The following NLGN1 variants were observed in gnomAD, a reference collection of about 807,000 sequenced individuals.
NLGN1 encodes neuroligin 1, also known as neuroligin-1.
In NLGN1, 12 loss-of-function variants were observed where a neutral mutation model predicts 65.5. The observed-to-expected ratio is 0.18, with a 90% CI of 0.12 to 0.30. NLGN1 has a LOEUF of 0.30. NLGN1 is among the 10% of genes least tolerant of loss of function. NLGN1 has a pLI of 1.00. For missense variants in NLGN1, 750 were observed against 1,007.1 expected (o/e 0.74, Z 3.46); for synonymous variants, 350 against 359.5 (o/e 0.97, Z 0.30).
chr3:173,825,627 C>A (rs1433719357), intron 4 of NLGN1, among the ~76,000 whole-genome samples: 1 of 152,048 alleles, frequency 6.6e-6, no homozygotes, highest in Admixed American at 6.6e-5. Flanking sequence ...CTCTATTTAA[C>A]CTGATCTTTA....
chr3:173,460,118 A>C (rs916096833), intron 2 of NLGN1, among the ~76,000 whole-genome samples: 12 of 152,112 alleles, frequency 7.9e-5, no homozygotes, highest in Non-Finnish European at 1.6e-4. Context: ...GTACTGTGTT[A>C]ATAAGAGTTA....
chr3:173,464,436 T>TTC (rs1015517688), intron 2 of NLGN1, among the ~76,000 whole-genome samples: 3 of 2,686 alleles, frequency 1.1e-3, no homozygotes, highest in Non-Finnish European at 1.9e-3. Flanking sequence ...TCAGTTACAA[T>TTC]TTTTTTTTTT....
intron 4 of NLGN1, among the ~76,000 whole-genome samples, chr3:173,990,743 G>A (rs12492195): frequency 0.18 from 28,077 of 151,782 alleles, 2,780 homozygotes; most frequent in East Asian, 0.33. Flanking sequence ...ATGTGCATGC[G>A]TAGTTATGAA....
At chr3:174,135,873 A>G (rs190925209) in intron 4 of NLGN1, among the ~76,000 whole-genome samples, 3 of 152,178 alleles carry the variant, frequency 2.0e-5, no homozygotes, top group Non-Finnish European at 2.9e-5. Context: ...CCCAGATCAA[A>G]TCTGGTGAAA....
intron 2 of NLGN1, among the ~76,000 whole-genome samples, chr3:173,537,145 C>T (rs1048905856): frequency 2.6e-5 from 4 of 152,160 alleles, no homozygotes; most frequent in Non-Finnish European, 4.4e-5. Context: ...CTCAAAGACA[C>T]ACACAAAAGA....
intron 4 of NLGN1, among the ~76,000 whole-genome samples, chr3:174,109,808 A>G (rs991488232): frequency 6.6e-6 from 1 of 152,096 alleles, no homozygotes; most frequent in African/African-American, 2.4e-5. Context: ...TTCAAGGAAC[A>G]AATCACTTGA....
intron 4 of NLGN1, among the ~76,000 whole-genome samples, chr3:173,979,980 C>T (rs1472234435): frequency 2.0e-5 from 3 of 152,048 alleles, no homozygotes; most frequent in African/African-American, 7.2e-5. Flanking sequence ...GTAACAGTAG[C>T]ATGCACTTGC....
chr3:173,530,662 G>T (rs1456946191), intron 2 of NLGN1, among the ~76,000 whole-genome samples: 1 of 152,086 alleles, frequency 6.6e-6, no homozygotes, highest in Non-Finnish European at 1.5e-5. Context: ...TTATTGAGTT[G>T]TTATTTAAAG....
At chr3:174,060,258 C>A (rs1292642909) in intron 4 of NLGN1, among the ~76,000 whole-genome samples, 1 of 152,004 alleles carries the variant, frequency 6.6e-6, no homozygotes, top group Admixed American at 6.6e-5. Flanking sequence ...TCCCACTAAG[C>A]CTGAACAGAC....
In NLGN1 at chr3:173,977,128, C is replaced by T. The variant is rs534428024; in HGVS notation, c.646+169296C>T. ...ACACGCACACACACACACACGCACA[C>T]ACACACACACCATTTCAACTGTGAC... is the stretch of plus-strand genomic sequence containing the variant. On this transcript the variant is annotated intron_variant, in intron 4 of 6. Transcript: ENST00000457714. Among the ~76,000 whole-genome samples, 27 of 151,696 alleles carry T rather than the reference C, an allele frequency of 1.8e-4. No individual in the cohort carries two copies. In the South Asian group the frequency reaches 5.0e-3, roughly 28 times the overall value.
At chr3:173,727,592 C>G (rs2150036556) in intron 3 of NLGN1, among the ~76,000 whole-genome samples, 1 of 152,196 alleles carries the variant, frequency 6.6e-6, no homozygotes, top group South Asian at 2.1e-4. Flanking sequence ...GGAATTCACT[C>G]TAGCAAAAGC....
chr3:174,224,470 G>A (rs368104758), intron 4 of NLGN1, among the ~76,000 whole-genome samples: 12 of 152,140 alleles, frequency 7.9e-5, no homozygotes, highest in South Asian at 4.1e-4. Context: ...AGGCCGAGGC[G>A]GGTAGATCAC....
intron 4 of NLGN1, among the ~76,000 whole-genome samples, chr3:174,078,140 A>G (rs919026183): frequency 1.3e-5 from 2 of 149,402 alleles, no homozygotes; most frequent in East Asian, 1.9e-4. Flanking sequence ...ATATTTTTAG[A>G]AAAAAAACAC....
At chr3:173,809,893 A>G (rs1717513761) in intron 4 of NLGN1, among the ~76,000 whole-genome samples, 1 of 152,220 alleles carries the variant, frequency 6.6e-6, no homozygotes, top group African/African-American at 2.4e-5. Flanking sequence ...GATATTATCA[A>G]AGTATGATTT....
chr3:173,797,584 T>C (rs1365429980), intron 3 of NLGN1, among the ~76,000 whole-genome samples: 1 of 151,724 alleles, frequency 6.6e-6, no homozygotes, highest in East Asian at 1.9e-4. Flanking sequence ...TCCTATACAA[T>C]GCATGCATGC....
intron 3 of NLGN1, among the ~76,000 whole-genome samples, chr3:173,726,590 T>C (rs1771818386): frequency 6.6e-6 from 1 of 152,172 alleles, no homozygotes; most frequent in Non-Finnish European, 1.5e-5. Flanking sequence ...AGCAATGTTA[T>C]AAATGGCTTG....
In NLGN1 at chr3:173,599,861, T is replaced by A. The variant is rs76124321; in HGVS notation, c.-320-4418T>A. 4.9e-3 allele frequency among the ~76,000 whole-genome samples: 746 copies of A among 152,226 alleles called. 3 individuals are homozygous for A. The highest frequency in any genetic ancestry group is 7.4e-3 in the Non-Finnish European group (506 of 68,000). On this transcript the variant is annotated intron_variant, in intron 2 of 6. Coordinates refer to ENST00000457714, the Ensembl canonical transcript of NLGN1. ...CAGACATGAGCAAAGCAGCAAAACTTTGTCACCCTATGAGCATCTTGCCAG... is the reference window on the plus strand; with the variant it reads ...CAGACATGAGCAAAGCAGCAAAACTATGTCACCCTATGAGCATCTTGCCAG...
Position 173,932,591 on chromosome 3 carries a change from C to G in NLGN1, c.646+124759C>G, listed in dbSNP as rs375118922. ...AAAGAAATTAGCTTTAATACTATTG[C>G]TCAGGAGAATTGTTCAGATAGTAAC... On this transcript the variant is annotated intron_variant, in intron 4 of 6. Coordinates refer to ENST00000457714, the Ensembl canonical transcript of NLGN1. 4.6e-5 allele frequency among the ~76,000 whole-genome samples: 7 copies of G among 151,970 alleles called. No homozygotes were observed. In the East Asian group the frequency reaches 1.4e-3, roughly 29 times the overall value.
At chr3:173,997,724 A>G (rs1218891608) in intron 4 of NLGN1, among the ~76,000 whole-genome samples, 3 of 152,104 alleles carry the variant, frequency 2.0e-5, no homozygotes, top group Non-Finnish European at 4.4e-5. Context: ...CCATTACACT[A>G]TAATTCTCAC....
Sources: gnomAD v4.1 joint callset for allele counts (sites outside exome capture counted in the v4.1 genomes callset) on GRCh38, gnomAD v4.1.1 for gene constraint, MANE v1.5 for transcripts, NCBI Gene and HGNC (gene_info 2026-07-23, HGNC 2026-07-21) for gene names.